RAP1GAP2: variants seen among roughly 807,000 people sequenced by gnomAD.
RAP1GAP2 encodes RAP1 GTPase activating protein 2.
Under a neutral mutation model 95.0 loss-of-function variants are expected in RAP1GAP2, and 27 were observed. The observed-to-expected ratio is 0.28, with a 90% CI of 0.21 to 0.39. The LOEUF is 0.39. Among genes scored for constraint, RAP1GAP2 ranks in the 10% least tolerant of loss-of-function variants. The probability of loss-of-function intolerance (pLI) is 1.00; values close to 1 mark genes in which losing one functional copy is unlikely to be tolerated. For missense variants in RAP1GAP2, 771 were observed against 970.0 expected (o/e 0.79, Z 2.72); for synonymous variants, 373 against 380.9 (o/e 0.98, Z 0.24).
rs146684822 is a variant in RAP1GAP2 at position 2,830,372 on chromosome 17, G to A, written c.80+29822G>A. ...GAGGTTGCAGTGAGCCGAGGAGATCGTGCCATTGCACTCCAGTCTGGGCGA... is the reference window on the plus strand; with the variant it reads ...GAGGTTGCAGTGAGCCGAGGAGATCATGCCATTGCACTCCAGTCTGGGCGA... On this transcript the variant is annotated intron_variant, in intron 2 of 24. Coordinates refer to ENST00000254695, the MANE Select transcript of RAP1GAP2 (RefSeq NM_015085.5). Among the ~76,000 whole-genome samples the A allele has an allele frequency of 7.7e-4, 117 of 151,224 alleles. 1 individual carries two copies. The East Asian group carries it at 0.02, about 26-fold the overall frequency.
intron 2 of RAP1GAP2, among the ~76,000 whole-genome samples, chr17:2,901,821 G>C (rs997023967): frequency 7.9e-5 from 12 of 151,956 alleles, no homozygotes; most frequent in African/African-American, 2.7e-4. Flanking sequence ...TCATTGTCCT[G>C]GGGCAGGACA....
intron 2 of RAP1GAP2, among the ~76,000 whole-genome samples, chr17:2,862,840 A>G (rs894844087): frequency 6.6e-6 from 1 of 152,052 alleles, no homozygotes; most frequent in African/African-American, 2.4e-5. Context: ...TCTACTAAAA[A>G]TAAAAAATTA....
In RAP1GAP2 at chr17:2,965,246, C is replaced by T; in HGVS notation, c.493-294C>T. On this transcript the variant is annotated intron_variant, in intron 7 of 24. Coordinates refer to ENST00000254695, the MANE Select transcript of RAP1GAP2 (RefSeq NM_015085.5). The surrounding 1 kb of genome is among the most constrained non-coding windows in gnomAD (Gnocchi z 4.7). ...CTCATCGTGTCATCCTGGGCAGTGA[C>T]TTAACCCCCCGACCATTGGTTTTCC... The T allele has an allele frequency of 2.3e-6, 1 of 430,478 alleles. No individual in the cohort carries two copies. Among genetic ancestry groups the T allele is most frequent in the Non-Finnish European group, 4.3e-6 (1 of 233,384 alleles). 26.7% of individuals were successfully genotyped at this position (430,478 alleles called of 1,614,324 possible). A position where few individuals can be genotyped will look rare whatever the true frequency, so the allele number is the denominator to read the frequency against.
chr17:2,992,919 C>T (rs1410771799), intron 12 of RAP1GAP2, among the ~76,000 whole-genome samples: 2 of 151,998 alleles, frequency 1.3e-5, no homozygotes, highest in Admixed American at 6.6e-5. Flanking sequence ...CTGTAAAAAG[C>T]GAGATAAAGG....
At chr17:2,847,254 G>C (rs984788614) in intron 2 of RAP1GAP2, among the ~76,000 whole-genome samples, 2 of 152,108 alleles carry the variant, frequency 1.3e-5, no homozygotes, top group Non-Finnish European at 2.9e-5. Context: ...TGATCCACCC[G>C]CCTCAGCCTC....
At chr17:2,951,102 T>G (rs935210511) in intron 3 of RAP1GAP2, among the ~76,000 whole-genome samples, 2 of 152,242 alleles carry the variant, frequency 1.3e-5, no homozygotes. Flanking sequence ...AGCCGAAGCC[T>G]GAGTTCTGGG....
chr17:2,881,775 C>CT (rs2073302969), intron 2 of RAP1GAP2, among the ~76,000 whole-genome samples: 1 of 151,836 alleles, frequency 6.6e-6, no homozygotes, highest in African/African-American at 2.4e-5. Context: ...TTGCTTTTTT[C>CT]TTTTTTTCTC....
chr17:2,800,603 G>A (rs370276301), intron 2 of RAP1GAP2, 53 bp downstream of exon 2: 28 of 1,579,104 alleles, frequency 1.8e-5, no homozygotes, highest in Middle Eastern at 3.3e-4. Flanking sequence ...GGATCAGAGC[G>A]CCGGGCCCTT....
chr17:2,819,634 C>T (rs1341411962), intron 2 of RAP1GAP2, among the ~76,000 whole-genome samples: 1 of 151,798 alleles, frequency 6.6e-6, no homozygotes, highest in African/African-American at 2.4e-5. Flanking sequence ...CCACCATGCC[C>T]AGCTAATTTT....
upstream of RAP1GAP2, among the ~76,000 whole-genome samples, chr17:2,792,705 G>A (rs541385647): frequency 1.3e-5 from 2 of 152,340 alleles, no homozygotes; most frequent in African/African-American, 2.4e-5. Flanking sequence ...CTCCTTGGCC[G>A]GGTGTCTGAC....
At chr17:2,809,535 T>G (rs1219472142) in intron 2 of RAP1GAP2, among the ~76,000 whole-genome samples, 1 of 151,758 alleles carries the variant, frequency 6.6e-6, no homozygotes, top group Non-Finnish European at 1.5e-5. Context: ...GCTCCCCGGG[T>G]CCTCATGAAC....
At chr17:2,876,207 G>A (rs1483953103) in intron 2 of RAP1GAP2, among the ~76,000 whole-genome samples, 1 of 152,078 alleles carries the variant, frequency 6.6e-6, no homozygotes, top group Admixed American at 6.6e-5. Flanking sequence ...AAAGTGCTGG[G>A]ATTACAGGCA....
At chr17:2,815,594 G>C (rs1329869200) in intron 2 of RAP1GAP2, among the ~76,000 whole-genome samples, 1 of 151,872 alleles carries the variant, frequency 6.6e-6, no homozygotes, top group Admixed American at 6.6e-5. Context: ...CGATTCTCCT[G>C]TCTCAGCCTC....
intron 1 of RAP1GAP2, among the ~76,000 whole-genome samples, chr17:2,756,657 G>A (rs190751181): frequency 6.6e-6 from 1 of 152,258 alleles, no homozygotes; most frequent in Admixed American, 6.5e-5. Context: ...ACACACAGCA[G>A]GGTCAGAGAG....
In RAP1GAP2 at chr17:2,965,745, C is replaced by T. The variant is rs553642649; in HGVS notation, c.596+102C>T. ...ACTCAGAAATACCAGACTGACCAGTCTGGTCTGGGTGCACTGGCTGACGGG... is the reference window on the plus strand; with the variant it reads ...ACTCAGAAATACCAGACTGACCAGTTTGGTCTGGGTGCACTGGCTGACGGG... On this transcript the variant is annotated intron_variant, in intron 8 of 24. Coordinates refer to ENST00000254695, the MANE Select transcript of RAP1GAP2 (RefSeq NM_015085.5). The surrounding 1 kb of genome is among the most constrained non-coding windows in gnomAD (Gnocchi z 4.7). 2 of 892,510 alleles carry T rather than the reference C, an allele frequency of 2.2e-6. No homozygotes were observed. The highest frequency in any genetic ancestry group is 3.5e-6 in the Non-Finnish European group (2 of 566,092). 55.3% of individuals were successfully genotyped at this position (892,510 alleles called of 1,614,324 possible).
intron 17 of RAP1GAP2, among the ~76,000 whole-genome samples, chr17:3,010,426 T>G (rs2046490033): frequency 6.6e-6 from 1 of 151,880 alleles, no homozygotes; most frequent in African/African-American, 2.4e-5. Flanking sequence ...AATGAAGCAC[T>G]TGTTTTGAGT....
intron 12 of RAP1GAP2, among the ~76,000 whole-genome samples, chr17:2,994,043 C>T (rs993480313): frequency 4.6e-5 from 7 of 152,184 alleles, no homozygotes; most frequent in Admixed American, 6.5e-5. Flanking sequence ...GAACCCCTGA[C>T]TGAAACCAAA....
intron 2 of RAP1GAP2, among the ~76,000 whole-genome samples, chr17:2,890,973 A>G (rs2317669): frequency 0.14 from 21,612 of 151,986 alleles, 1,922 homozygotes; most frequent in Non-Finnish European, 0.2. Context: ...GGCTTGAGCC[A>G]CCACGCCCGA....
chr17:2,888,625 C>A (rs1296494189), intron 2 of RAP1GAP2, among the ~76,000 whole-genome samples: 1 of 150,310 alleles, frequency 6.7e-6, no homozygotes, highest in African/African-American at 2.4e-5. Context: ...TGGATAGTAT[C>A]GTGCATATAT....
Sources: allele counts gnomAD v4.1 joint callset (sites outside exome capture counted in the v4.1 genomes callset), GRCh38; gene constraint gnomAD v4.1.1; non-coding constraint Gnocchi (gnomAD v3.1); transcripts MANE v1.5; gene names NCBI Gene and HGNC (gene_info 2026-07-23, HGNC 2026-07-21).